The following BEND6 variants were observed in gnomAD, a reference collection of about 807,000 sequenced individuals.
BEND6 encodes BEN domain-containing protein 6.
A neutral mutation model predicts 31.8 loss-of-function variants in BEND6; 24 were observed. The observed-to-expected ratio is 0.75, with a 90% confidence interval of 0.55 to 1.06. BEND6 has a LOEUF of 1.06. Ranked by LOEUF, BEND6 falls within the 50% of genes least tolerant of loss-of-function variation. BEND6 has a pLI of 0.00. For synonymous variants in BEND6, 109 were observed against 114.6 expected, an observed-to-expected ratio of 0.95 and a Z score of 0.31; for missense variants, 294 against 327.4, an observed-to-expected ratio of 0.90 and a Z score of 0.79.
intron 1 of BEND6, among the ~76,000 whole-genome samples, chr6:56,958,048 C>T (rs1825154777): frequency 6.6e-6 from 1 of 152,150 alleles, no homozygotes; most frequent in Non-Finnish European, 1.5e-5. Flanking sequence ...GACAGGCCTC[C>T]CCAGCATTAG....
chr6:57,004,084 A>G (rs1827056452), intron 3 of BEND6, among the ~76,000 whole-genome samples: 1 of 152,212 alleles, frequency 6.6e-6, no homozygotes, highest in African/African-American at 2.4e-5. Context: ...CTGAGCAGGT[A>G]AAACCAGAAG....
chr6:56,956,606 G>A (rs578072317), intron 1 of BEND6, among the ~76,000 whole-genome samples: 2 of 152,306 alleles, frequency 1.3e-5, no homozygotes, highest in East Asian at 1.9e-4. Context: ...AGTTGTTTTG[G>A]ATTGAACTCA....
Position 57,018,589 on chromosome 6 carries a change from G to A in BEND6, c.*9+32G>A, listed in dbSNP as rs770590866. On this transcript the variant is annotated intron_variant, in intron 6 of 6. Coordinates refer to ENST00000370746, the MANE Select transcript of BEND6 (RefSeq NM_152731.3). ...CTTTTAAATCTTCAGTCCTTTCAAT[G>A]TGGCAAGAAAATGTCATAATACTTT... The A allele has an allele frequency of 2.8e-6, 4 of 1,442,784 alleles. No individual in the cohort carries two copies. In the Admixed American group the frequency reaches 1.1e-4, roughly 40 times the overall value. 89.4% of individuals were successfully genotyped at this position (1,442,784 alleles called of 1,614,324 possible). A position where few individuals can be genotyped will look rare whatever the true frequency, so the allele number is the denominator to read the frequency against.
intron 1 of BEND6, among the ~76,000 whole-genome samples, chr6:56,970,770 A>G (rs1008910168): frequency 3.9e-5 from 6 of 152,322 alleles, no homozygotes; most frequent in Non-Finnish European, 7.3e-5. Flanking sequence ...TGGAAAGTAG[A>G]TATTCTAAAT....
In BEND6 at chr6:56,999,087, T is replaced by A. The variant is rs186909034; in HGVS notation, c.298+6532T>A. Reference sequence around the variant, plus strand: ...GTGTCCAGGCATTAGGAGCACCCACTCACCTGGTTCAGCAGCCTGAGTTGC... The same window carrying A: ...GTGTCCAGGCATTAGGAGCACCCACACACCTGGTTCAGCAGCCTGAGTTGC... On this transcript the variant is annotated intron_variant, in intron 3 of 6. Transcript: ENST00000370746. 3.3e-3 allele frequency among the ~76,000 whole-genome samples: 496 copies of A among 152,348 alleles called. 6 individuals carry two copies. Among genetic ancestry groups the A allele is most frequent in the African/African-American group, 0.011 (475 of 41,584 alleles).
intron 3 of BEND6, among the ~76,000 whole-genome samples, chr6:57,014,175 A>G (rs1313387160): frequency 6.6e-6 from 1 of 152,236 alleles, no homozygotes; most frequent in Non-Finnish European, 1.5e-5. Flanking sequence ...CTGATGGAAT[A>G]AGTGTCTGGT....
intron 3 of BEND6, among the ~76,000 whole-genome samples, chr6:56,994,484 A>T (rs1445579790): frequency 6.8e-6 from 1 of 146,780 alleles, no homozygotes; most frequent in Non-Finnish European, 1.5e-5. Context: ...AAAAAAAAAA[A>T]GGCATTAATC....
intron 3 of BEND6, among the ~76,000 whole-genome samples, chr6:57,012,266 C>G (rs1037266959): frequency 1.3e-5 from 2 of 152,078 alleles, no homozygotes; most frequent in Non-Finnish European, 2.9e-5. Context: ...ATGGTACACA[C>G]AACATGAATG....
intron 1 of BEND6, among the ~76,000 whole-genome samples, chr6:56,964,055 AT>A (rs1351316667): frequency 1.3e-5 from 2 of 148,648 alleles, no homozygotes; most frequent in African/African-American, 4.9e-5. Flanking sequence ...ATATTAATTA[AT>A]TTATATTATT....
chr6:57,004,930 A>G (rs772157172), intron 3 of BEND6: 2 of 531,490 alleles, frequency 3.8e-6, no homozygotes, highest in Non-Finnish European at 6.8e-6. Flanking sequence ...AGAGAGCTAC[A>G]TTGTCAGATT....
intron 6 of BEND6, among the ~76,000 whole-genome samples, chr6:57,019,824 T>G (rs1373716698): frequency 3.3e-5 from 5 of 152,240 alleles, no homozygotes; most frequent in African/African-American, 4.8e-5. Context: ...CTGGGCATGG[T>G]GGCTCACGCC....
chr6:57,026,021 G>C (rs1562563252), intron 6 of BEND6, 61 bp from the exon 7 acceptor site: 1 of 152,098 alleles, frequency 6.6e-6, no homozygotes, highest in Non-Finnish European at 1.5e-5. Context: ...TCATATAACT[G>C]TTAAAATACT....
chr6:56,971,034 C>A (rs1825670729), intron 1 of BEND6, among the ~76,000 whole-genome samples: 2 of 152,090 alleles, frequency 1.3e-5, no homozygotes, highest in South Asian at 2.1e-4. Context: ...ACATTAAATA[C>A]CTTAGTATTA....
intron 1 of BEND6, among the ~76,000 whole-genome samples, chr6:56,963,745 G>A: frequency 6.6e-6 from 1 of 150,644 alleles, no homozygotes; most frequent in Non-Finnish European, 1.5e-5. Flanking sequence ...AAACTTGTAT[G>A]GGGGTAATCT....
chr6:57,015,305 A>G lies in BEND6; in HGVS notation c.471A>G (p.Ser157=). The G allele has an allele frequency of 1.9e-6, 3 of 1,614,166 alleles. No homozygotes were observed. Among genetic ancestry groups the G allele is most frequent in the Non-Finnish European group, 2.5e-6 (3 of 1,180,034 alleles). ...GTAATTCTAATTCTAACTCCAGTTC[A>G]CCAGTTTCCTTAAAGCCTGAGGAAG... ...TCSNSNSNSS[S]PVSLKPEEEH... The change falls in exon 4 of 7, where the codon TCA becomes TCG. Residue 157 remains serine (S), a synonymous_variant. Coordinates refer to ENST00000370746, the MANE Select transcript of BEND6 (RefSeq NM_152731.3).
At chr6:57,004,492 G>C in intron 3 of BEND6, 1 of 674,372 alleles carries the variant, frequency 1.5e-6, no homozygotes, top group Non-Finnish European at 2.7e-6. Flanking sequence ...CCGTCCCAAG[G>C]CCTCTGCCGC....
In BEND6 at chr6:57,005,205, TAA is replaced by T. The variant is rs1404302179; in HGVS notation, c.299-9924_299-9923del. On this transcript the variant is annotated intron_variant, in intron 3 of 6. Coordinates refer to ENST00000370746, the MANE Select transcript of BEND6 (RefSeq NM_152731.3). Reference sequence around the variant, plus strand: ...TCCAATATCTAGTAGCTACCAGTTTTAAAAAGTCAGTAATTTCTTTATGCATC... The same window carrying T: ...TCCAATATCTAGTAGCTACCAGTTTTAAAGTCAGTAATTTCTTTATGCATC... Among the ~76,000 whole-genome samples, 13 of 152,250 alleles carry T rather than the reference TAA, an allele frequency of 8.5e-5. No individual in the cohort carries two copies. In the South Asian group the frequency reaches 2.5e-3, roughly 29 times the overall value.
intron 4 of BEND6, among the ~76,000 whole-genome samples, chr6:57,015,910 G>A (rs928256347): frequency 1.2e-4 from 18 of 151,880 alleles, no homozygotes; most frequent in African/African-American, 4.4e-4. Context: ...TCTTCTCTGA[G>A]GAAGTCAAGA....
At chr6:57,007,032 G>T (rs1054099780) in intron 3 of BEND6, among the ~76,000 whole-genome samples, 96 of 152,272 alleles carry the variant, frequency 6.3e-4, no homozygotes, top group African/African-American at 2.2e-3. Flanking sequence ...ACTTACACCT[G>T]TAATCCTAAC....
Sources: allele counts gnomAD v4.1 joint callset (sites outside exome capture counted in the v4.1 genomes callset), GRCh38; gene constraint gnomAD v4.1.1; transcripts MANE v1.5; gene names NCBI Gene and HGNC (gene_info 2026-07-23, HGNC 2026-07-21).